RNF38: variants seen among roughly 807,000 people sequenced by gnomAD.
RNF38 encodes ring finger protein 38.
In RNF38, 15 loss-of-function variants were observed where a neutral mutation model predicts 67.2. That is an observed-to-expected ratio of 0.22 (90% CI 0.15 to 0.34). The LOEUF (loss-of-function observed/expected upper bound fraction) is 0.34. Ranked by LOEUF, RNF38 falls within the 10% of genes least tolerant of loss-of-function variation. The pLI is 1.00. For missense variants in RNF38, 524 were observed against 639.9 expected (o/e 0.82, Z 1.95); for synonymous variants, 220 against 218.8 (o/e 1.01, Z -0.05).
At chr9:36,358,852 A>G (rs139297482) in intron 4 of RNF38, among the ~76,000 whole-genome samples, 1,639 of 152,320 alleles carry the variant, frequency 0.011, 27 homozygotes, top group South Asian at 0.064. Flanking sequence ...TCTACTAAAA[A>G]TACAAAAAAT....
chr9:36,401,309 C>A, upstream of RNF38: 1 of 742,034 alleles, frequency 1.3e-6, no homozygotes, highest in Non-Finnish European at 1.6e-6. Context: ...CCCCAGCCCG[C>A]CCCCCGCTGC....
intron 2 of RNF38, among the ~76,000 whole-genome samples, chr9:36,381,590 A>G (rs1836217785): frequency 6.6e-6 from 1 of 152,240 alleles, no homozygotes; most frequent in Non-Finnish European, 1.5e-5. Context: ...ATTGGTTAAC[A>G]GACTTTCTTA....
intron 1 of RNF38, among the ~76,000 whole-genome samples, chr9:36,431,941 C>T (rs1324495550): frequency 2.6e-5 from 4 of 151,976 alleles, no homozygotes; most frequent in East Asian, 3.9e-4. Flanking sequence ...CAAATTAAGA[C>T]GCTTCTCTCA....
intron 1 of RNF38, among the ~76,000 whole-genome samples, chr9:36,468,843 G>A (rs1432517645): frequency 1.3e-5 from 2 of 152,188 alleles, no homozygotes; most frequent in Non-Finnish European, 2.9e-5. Context: ...GCCAGGCACA[G>A]TGGTTCACAC....
chr9:36,385,255 A>C (rs1360296427), intron 2 of RNF38, among the ~76,000 whole-genome samples: 1 of 152,214 alleles, frequency 6.6e-6, no homozygotes, highest in African/African-American at 2.4e-5. Flanking sequence ...TTTATACAAC[A>C]ACCGATAACC....
At chr9:36,383,825 C>G (rs1252665344) in intron 2 of RNF38, among the ~76,000 whole-genome samples, 1 of 150,904 alleles carries the variant, frequency 6.6e-6, no homozygotes, top group Non-Finnish European at 1.5e-5. Context: ...TTTTTTAAAC[C>G]GAAGCCCAAA....
At chr9:36,382,810 T>G (rs1252407851) in intron 2 of RNF38, among the ~76,000 whole-genome samples, 1 of 152,230 alleles carries the variant, frequency 6.6e-6, no homozygotes, top group African/African-American at 2.4e-5. Flanking sequence ...CAGCATGAGT[T>G]AAGAATCTTC....
intron 1 of RNF38, among the ~76,000 whole-genome samples, chr9:36,438,325 TGACCCATG>T: frequency 6.6e-6 from 1 of 152,030 alleles, no homozygotes; most frequent in East Asian, 1.9e-4. Flanking sequence ...GTCCAACCCG[TGACCCATG>T]GGCTGCATGC....
At chr9:36,440,600 T>C (rs1200056974) in intron 1 of RNF38, among the ~76,000 whole-genome samples, 1 of 151,274 alleles carries the variant, frequency 6.6e-6, no homozygotes, top group Non-Finnish European at 1.5e-5. Flanking sequence ...AAATATACTG[T>C]TAAGTGGAAA....
At chr9:36,340,534 G>A (rs773409802) in intron 11 of RNF38, among the ~76,000 whole-genome samples, 12 of 151,906 alleles carry the variant, frequency 7.9e-5, no homozygotes, top group Non-Finnish European at 1.3e-4. Flanking sequence ...ACAGGTGTGT[G>A]CCACCACACC....
chr9:36,359,331 TGAG>T, intron 4 of RNF38, among the ~76,000 whole-genome samples: 1 of 152,238 alleles, frequency 6.6e-6, no homozygotes, highest in Admixed American at 6.5e-5. Flanking sequence ...CCTTTACTGA[TGAG>T]GTTATAAACA....
upstream of RNF38, chr9:36,400,914 G>GCCGCA: frequency 3.2e-6 from 3 of 940,230 alleles, no homozygotes; most frequent in Non-Finnish European, 3.7e-6. Flanking sequence ...GCCCCGCCGC[G>GCCGCA]CCCCGCCGCA....
upstream of RNF38, among the ~76,000 whole-genome samples, chr9:36,402,857 T>C (rs1838087770): frequency 6.6e-6 from 1 of 152,200 alleles, no homozygotes; most frequent in Non-Finnish European, 1.5e-5. Context: ...CTTCTTTTTT[T>C]ATTTTTTTTG....
intron 2 of RNF38, among the ~76,000 whole-genome samples, chr9:36,389,732 A>G (rs1335375030): frequency 6.6e-6 from 1 of 152,204 alleles, no homozygotes; most frequent in East Asian, 1.9e-4. Context: ...CTCTTATTCA[A>G]AAGTCCCAGC....
At chr9:36,447,739 G>A (rs1449039487) in intron 1 of RNF38, among the ~76,000 whole-genome samples, 1 of 152,176 alleles carries the variant, frequency 6.6e-6, no homozygotes, top group Non-Finnish European at 1.5e-5. Flanking sequence ...TAGGAAGAAT[G>A]GCCAACTACC....
At chr9:36,477,904 G>A (rs189885625) in intron 1 of RNF38, among the ~76,000 whole-genome samples, 2 of 151,530 alleles carry the variant, frequency 1.3e-5, no homozygotes, top group East Asian at 1.9e-4. Context: ...GAGGTGGAAG[G>A]ACTGCTTGAG....
upstream of RNF38, chr9:36,400,283 C>A: frequency 6.1e-6 from 8 of 1,310,506 alleles, no homozygotes; most frequent in South Asian, 2.2e-5. Context: ...AGAGAGGACC[C>A]TTTCGACCGG....
chr9:36,487,642 G>T (rs1840454261), upstream of RNF38: 4 of 937,218 alleles, frequency 4.3e-6, no homozygotes, highest in South Asian at 1.4e-4. Flanking sequence ...GGCAGCAGCG[G>T]TGGCGGCGAC....
intron 1 of RNF38, among the ~76,000 whole-genome samples, chr9:36,482,774 T>C (rs963037531): frequency 6.6e-6 from 1 of 152,194 alleles, no homozygotes; most frequent in Non-Finnish European, 1.5e-5. Context: ...CCCCTTCCCA[T>C]GAAAAGTTCA....
Sources: allele counts gnomAD v4.1 joint callset (sites outside exome capture counted in the v4.1 genomes callset), GRCh38; gene constraint gnomAD v4.1.1; transcripts MANE v1.5; gene names NCBI Gene and HGNC (gene_info 2026-07-23, HGNC 2026-07-21).